AP4E1: variants seen among roughly 807,000 people sequenced by gnomAD.
The protein encoded by AP4E1 is adaptor related protein complex 4 subunit epsilon 1, also known as AP-4 complex subunit epsilon-1.
A neutral mutation model predicts 128.2 loss-of-function variants in AP4E1; 56 were observed. The ratio of observed to expected loss-of-function variants is 0.44; its 90% CI spans 0.35 to 0.55. AP4E1 has a LOEUF of 0.55. Among genes scored for constraint, AP4E1 ranks in the 20% least tolerant of loss-of-function variants. The pLI is 0.00. For missense variants in AP4E1, 1,324 were observed against 1,307.7 expected (o/e 1.01, Z -0.19); for synonymous variants, 484 against 473.1 (o/e 1.02, Z -0.30).
intron 16 of AP4E1, among the ~76,000 whole-genome samples, chr15:50,987,875 G>A (rs1253126144): frequency 1.3e-5 from 2 of 152,046 alleles, no homozygotes; most frequent in South Asian, 2.1e-4. Context: ...TGTACAGTAT[G>A]TTCTTTAAGA....
chr15:51,002,616 C>T lies in AP4E1; in HGVS notation c.3368C>T (p.Pro1123Leu). Residue 1123 changes from proline to leucine, a missense_variant, in exon 21 of 21, where the codon CCT becomes CTT. By Grantham distance (98) the Pro-to-Leu change is moderately conservative. Coordinates refer to ENST00000261842, the MANE Select transcript of AP4E1 (RefSeq NM_007347.5). The stretch of plus-strand genomic sequence containing the variant: ...TTCAGATCCTCCTGTTCTACTCTTC[C>T]TGACTATTTACTGTATCAGTGTCAA... ...LWFRSSCSTL[P>L]DYLLYQCQKV... The T allele has an allele frequency of 6.2e-7, 1 of 1,614,128 alleles. No individual in the cohort carries two copies. Among genetic ancestry groups the T allele is most frequent in the Non-Finnish European group, 8.5e-7 (1 of 1,179,986 alleles).
At chr15:50,988,754 A>G (rs912630347) in intron 16 of AP4E1, among the ~76,000 whole-genome samples, 1 of 152,200 alleles carries the variant, frequency 6.6e-6, no homozygotes, top group Non-Finnish European at 1.5e-5. Context: ...ACACCGTTGT[A>G]AAGCCAAAAA....
chr15:50,977,706 G>GTTTTTTTTTTTTTTTTTTTTTT, intron 15 of AP4E1, among the ~76,000 whole-genome samples: 1 of 80,296 alleles, frequency 1.2e-5, no homozygotes, highest in Non-Finnish European at 2.6e-5. Flanking sequence ...ATCTGTTATG[G>GTTTTTTTTTTTTTTTTTTTTTT]TTTTTTTTTT....
In AP4E1 at chr15:51,001,263, A is replaced by T. The variant is rs2064959598; in HGVS notation, c.3253+80A>T. 4.4e-6 allele frequency: 6 copies of T among 1,351,244 alleles called. No homozygotes were observed. In the South Asian group the frequency reaches 7.6e-5, roughly 17 times the overall value. The allele number at this position is 1,351,244 out of a possible 1,614,324, so 83.7% of individuals were successfully genotyped here. A position where few individuals can be genotyped will look rare whatever the true frequency, so the allele number is the denominator to read the frequency against. On this transcript the variant is annotated intron_variant, in intron 20 of 20. Coordinates refer to ENST00000261842, the MANE Select transcript of AP4E1 (RefSeq NM_007347.5). ...GGAACACAAATCAACTCTTACAAGT[A>T]TCAGATTTCTCAGAGCTTTATTTCC...
At chr15:50,978,162 G>T (rs904346308) in intron 15 of AP4E1, among the ~76,000 whole-genome samples, 1 of 152,072 alleles carries the variant, frequency 6.6e-6, no homozygotes, top group African/African-American at 2.4e-5. Flanking sequence ...GCAAAAATAG[G>T]TGAGATGGTG....
intron 7 of AP4E1, among the ~76,000 whole-genome samples, chr15:50,933,458 T>C (rs904453603): frequency 7.2e-5 from 11 of 152,204 alleles, no homozygotes; most frequent in African/African-American, 2.7e-4. Flanking sequence ...TTATTAAGAT[T>C]TATCTTGATC....
At chr15:50,990,089 C>A (rs1595577255) in intron 16 of AP4E1, among the ~76,000 whole-genome samples, 1 of 152,008 alleles carries the variant, frequency 6.6e-6, no homozygotes, top group Admixed American at 6.6e-5. Flanking sequence ...TAAAGTACAT[C>A]CCTAGTCTTT....
At chr15:50,946,377 T>C (rs2064062354) in intron 10 of AP4E1, among the ~76,000 whole-genome samples, 2 of 152,218 alleles carry the variant, frequency 1.3e-5, no homozygotes. Flanking sequence ...ACAATGATGT[T>C]TCTTCCTATG....
At chr15:50,945,144 G>A (rs2064040703) in intron 10 of AP4E1, 2 of 850,544 alleles carry the variant, frequency 2.4e-6, no homozygotes, top group Non-Finnish European at 4.1e-6. Context: ...GTATACTGGG[G>A]TTTATCATCA....
At position 50,999,059 on chromosome 15, in the gene AP4E1, C is replaced by G; in HGVS notation, c.2905-13C>G. 6.2e-7 allele frequency: 1 copy of G among 1,613,390 alleles called. No homozygotes were observed. The highest frequency in any genetic ancestry group is 8.5e-7 in the Non-Finnish European group (1 of 1,179,434). On this transcript the variant is annotated splice_polypyrimidine_tract_variant and intron_variant, in intron 18 of 20. Transcript: ENST00000261842. ...CCTTCCTTCTTCAACACTTTTATTA[C>G]TTCTATTTGCAGGTGACTGAGCAAC...
At chr15:50,919,574 A>ATAAG (rs1191563149) in intron 3 of AP4E1, among the ~76,000 whole-genome samples, 13 of 138,588 alleles carry the variant, frequency 9.4e-5, no homozygotes, top group African/African-American at 3.5e-4. Flanking sequence ...AAATAAATAA[A>ATAAG]TAAGTAAATA....
chr15:51,002,456 T>TA (rs2064976065), intron 20 of AP4E1, 46 bp from the exon 21 acceptor site: 3 of 1,601,276 alleles, frequency 1.9e-6, no homozygotes, highest in Non-Finnish European at 2.6e-6. Context: ...AATGTCTGTT[T>TA]AACTCCTTTT....
chr15:50,992,128 G>GA (rs1172736744), intron 16 of AP4E1, among the ~76,000 whole-genome samples: 1 of 151,858 alleles, frequency 6.6e-6, no homozygotes, highest in Non-Finnish European at 1.5e-5. Flanking sequence ...GAGACAATTT[G>GA]AAAAAACTTT....
chr15:50,999,069 C>T lies in AP4E1; in HGVS notation c.2905-3C>T, dbSNP rs894535434. The T allele has an allele frequency of 6.2e-7, 1 of 1,613,724 alleles. No individual in the cohort carries two copies. Among genetic ancestry groups the T allele is most frequent in the Non-Finnish European group, 8.5e-7 (1 of 1,179,854 alleles). Reference sequence around the variant, plus strand: ...TCAACACTTTTATTACTTCTATTTGCAGGTGACTGAGCAACCTGGATGCTG... The same window carrying T: ...TCAACACTTTTATTACTTCTATTTGTAGGTGACTGAGCAACCTGGATGCTG... On this transcript the variant is annotated splice_polypyrimidine_tract_variant and splice_region_variant and intron_variant, in intron 18 of 20. Transcript: ENST00000261842.
chr15:50,934,258 A>C (rs1370721410), intron 7 of AP4E1, among the ~76,000 whole-genome samples: 2 of 152,118 alleles, frequency 1.3e-5, no homozygotes, highest in South Asian at 2.1e-4. Flanking sequence ...TTAATATGCT[A>C]TCTGAAATAA....
At position 50,930,836 on chromosome 15, in the gene AP4E1, G is replaced by A. The variant is rs1445996234; in HGVS notation, c.734G>A (p.Gly245Glu). Residue 245 changes from glycine (G) to glutamate (E), a missense_variant, in exon 7 of 21, where the codon GGG (glycine) becomes GAG (glutamate). Transcript: ENST00000261842. Reference protein sequence around the residue: ...ENSSGYKDLTGSFVTILKQVV... With the variant: ...ENSSGYKDLTESFVTILKQVV... ...TCATCTGGATATAAAGACTTGACTGGGAGTTTTGTAACCATTTTGAAGCAA... is the reference window on the plus strand; with the variant it reads ...TCATCTGGATATAAAGACTTGACTGAGAGTTTTGTAACCATTTTGAAGCAA... 2.5e-6 allele frequency: 4 copies of A among 1,613,934 alleles called. No homozygotes were observed. Among genetic ancestry groups the A allele is most frequent in the East Asian group, 2.2e-5 (1 of 44,868 alleles).
rs776021774 is a variant in AP4E1 at position 50,958,598 on chromosome 15, C to G, written c.1655C>G (p.Ala552Gly). 44 of 1,614,006 alleles carry G rather than the reference C, an allele frequency of 2.7e-5. No homozygotes were observed. The South Asian group carries it at 3.6e-4, about 13-fold the overall frequency. ...GACTCTGTGTCTTCAGAAACAAAAG[C>G]CTGGTTAATTGCTGCTGTGACCAAA... ...MNDSVSSETKAWLIAAVTKLT... is the reference protein window; with the variant it reads ...MNDSVSSETKGWLIAAVTKLT... The change falls in exon 14 of 21, where the codon GCC becomes GGC. Residue 552 changes from alanine (A) to glycine (G), a missense_variant. Physicochemically the swap from Ala to Gly is moderately conservative, Grantham distance 60. Transcript: ENST00000261842.
chr15:50,984,512 G>A (rs2064689482), intron 16 of AP4E1, among the ~76,000 whole-genome samples: 1 of 138,024 alleles, frequency 7.2e-6, no homozygotes, highest in East Asian at 2.1e-4. Flanking sequence ...CTGTGTCCAA[G>A]TGTTCTCAAT....
At position 50,978,955 on chromosome 15, in the gene AP4E1, T is replaced by G. The variant is rs576116316; in HGVS notation, c.1967-5067T>G. 7.2e-5 allele frequency among the ~76,000 whole-genome samples: 11 copies of G among 152,308 alleles called. No individual in the cohort carries two copies. In the South Asian group the frequency reaches 2.3e-3, roughly 32 times the overall value. On this transcript the variant is annotated intron_variant, in intron 15 of 20. Coordinates refer to ENST00000261842, the MANE Select transcript of AP4E1 (RefSeq NM_007347.5). ...TGAGCCTTTCCACCCCTTCCTTAGA[T>G]GATAATCTTAATTCTTTTGACTTGG...
Sources: allele counts gnomAD v4.1 joint callset (sites outside exome capture counted in the v4.1 genomes callset), GRCh38; gene constraint gnomAD v4.1.1; transcripts MANE v1.5; gene names NCBI Gene and HGNC (gene_info 2026-07-23, HGNC 2026-07-21).